GRID1: variants seen among roughly 807,000 people sequenced by gnomAD.
GRID1 encodes glutamate receptor ionotropic, delta-1.
A neutral mutation model predicts 98.0 loss-of-function variants in GRID1; 28 were observed. The ratio of observed to expected loss-of-function variants is 0.29; its 90% CI spans 0.21 to 0.39. The LOEUF is 0.39. Ranked by LOEUF, GRID1 falls within the 10% of genes least tolerant of loss-of-function variation. The pLI is 1.00. For missense variants in GRID1, 1,111 were observed against 1,340.5 expected (o/e 0.83, Z 2.67); for synonymous variants, 553 against 538.5 (o/e 1.03, Z -0.37).
intron 4 of GRID1, among the ~76,000 whole-genome samples, chr10:85,945,325 A>G (rs1349713313): frequency 2.0e-5 from 3 of 152,224 alleles, no homozygotes; most frequent in African/African-American, 7.2e-5. Flanking sequence ...AAACAATTTA[A>G]GTCCAGCAAT....
chr10:85,805,026 A>G (rs1011267979), intron 8 of GRID1, among the ~76,000 whole-genome samples: 1 of 151,680 alleles, frequency 6.6e-6, no homozygotes, highest in African/African-American at 2.4e-5. Flanking sequence ...GGAAGGAAGA[A>G]GTTGACTGCC....
chr10:85,781,210 C>G (rs1842378017), intron 8 of GRID1, among the ~76,000 whole-genome samples: 1 of 152,178 alleles, frequency 6.6e-6, no homozygotes, highest in Non-Finnish European at 1.5e-5. Flanking sequence ...AGTAGCAGAA[C>G]CCAATTTTAA....
intron 4 of GRID1, among the ~76,000 whole-genome samples, chr10:85,954,606 T>C (rs1360016801): frequency 6.6e-6 from 1 of 152,214 alleles, no homozygotes; most frequent in Non-Finnish European, 1.5e-5. Context: ...GCCACTAAAT[T>C]TGACAACATT....
At chr10:86,149,836 CTG>C (rs2131979398) in intron 3 of GRID1, among the ~76,000 whole-genome samples, 1 of 152,294 alleles carries the variant, frequency 6.6e-6, no homozygotes, top group African/African-American at 2.4e-5. Context: ...TTATCTGCTA[CTG>C]TCTTTCATGT....
intron 4 of GRID1, among the ~76,000 whole-genome samples, chr10:86,118,298 A>G (rs1435234403): frequency 6.6e-6 from 1 of 152,192 alleles, no homozygotes; most frequent in African/African-American, 2.4e-5. Context: ...ATGCAAAGCC[A>G]TAAGAATCAT....
At chr10:85,931,037 G>A (rs1443807204) in intron 4 of GRID1, among the ~76,000 whole-genome samples, 4 of 151,982 alleles carry the variant, frequency 2.6e-5, no homozygotes, top group Admixed American at 1.3e-4. Context: ...ACTGGGTTTT[G>A]CCATGTTGCC....
intron 14 of GRID1, among the ~76,000 whole-genome samples, chr10:85,619,181 G>T (rs1197470986): frequency 6.6e-6 from 1 of 152,176 alleles, no homozygotes; most frequent in African/African-American, 2.4e-5. Flanking sequence ...GCCCCTGTTT[G>T]CAGGCTGACT....
chr10:86,048,292 G>C (rs538114419), intron 4 of GRID1, among the ~76,000 whole-genome samples: 16 of 152,132 alleles, frequency 1.1e-4, no homozygotes, highest in African/African-American at 3.9e-4. Context: ...AGGATCACTT[G>C]AGTGCCCATC....
intron 4 of GRID1, among the ~76,000 whole-genome samples, chr10:86,023,955 T>G (rs760684415): frequency 2.0e-5 from 3 of 152,230 alleles, no homozygotes; most frequent in Non-Finnish European, 4.4e-5. Flanking sequence ...CATGTCTGTA[T>G]GCCTAGGCCA....
chr10:86,088,944 G>A (rs916081529), intron 4 of GRID1, among the ~76,000 whole-genome samples: 1 of 151,444 alleles, frequency 6.6e-6, no homozygotes, highest in Non-Finnish European at 1.5e-5. Context: ...TCTAGCCAAA[G>A]GTCCAGGAAA....
At chr10:85,891,671 T>C (rs1028248402) in intron 5 of GRID1, among the ~76,000 whole-genome samples, 12 of 152,050 alleles carry the variant, frequency 7.9e-5, no homozygotes, top group African/African-American at 2.9e-4. Flanking sequence ...AGCAACAGAC[T>C]AAAGAGATCT....
chr10:85,665,154 A>T (rs567443013), intron 12 of GRID1, among the ~76,000 whole-genome samples: 1 of 151,960 alleles, frequency 6.6e-6, no homozygotes, highest in East Asian at 1.9e-4. Context: ...ATTTAAGTAG[A>T]CTCCTTCTCT....
chr10:85,697,077 C>T (rs1841402483), intron 12 of GRID1, among the ~76,000 whole-genome samples: 2 of 152,006 alleles, frequency 1.3e-5, no homozygotes, highest in African/African-American at 4.8e-5. Context: ...TTCATGCACA[C>T]TAAAAAACTG....
intron 2 of GRID1, among the ~76,000 whole-genome samples, chr10:86,236,687 G>A (rs926488994): frequency 6.6e-6 from 1 of 152,234 alleles, no homozygotes; most frequent in African/African-American, 2.4e-5. Context: ...CATTACGGGA[G>A]CACTGAGAAT....
rs1848527850 is a variant in GRID1 at position 86,355,895 on chromosome 10, G to C, written c.235+8046C>G. 2.6e-5 allele frequency among the ~76,000 whole-genome samples: 4 copies of C among 152,244 alleles called. No homozygotes were observed. In the South Asian group the frequency reaches 8.3e-4, roughly 32 times the overall value. ...GCTGCCACTTCGTGGGGCAGCAGGGGCAAGACGTGGGAGTCTATATGAGGG... is the reference window on the plus strand; with the variant it reads ...GCTGCCACTTCGTGGGGCAGCAGGGCCAAGACGTGGGAGTCTATATGAGGG... On this transcript the variant is annotated intron_variant, in intron 2 of 15. Transcript: ENST00000327946.
intron 14 of GRID1, among the ~76,000 whole-genome samples, chr10:85,614,195 AC>A (rs1350435713): frequency 6.6e-6 from 1 of 152,174 alleles, no homozygotes; most frequent in Non-Finnish European, 1.5e-5. Context: ...ACAATCACTG[AC>A]CCTAAAAAAA....
At chr10:85,776,922 C>T (rs746313571) in intron 8 of GRID1, among the ~76,000 whole-genome samples, 2 of 152,180 alleles carry the variant, frequency 1.3e-5, no homozygotes, top group Non-Finnish European at 2.9e-5. Context: ...AGAAAGCAGA[C>T]CACAGTGAGA....
intron 4 of GRID1, among the ~76,000 whole-genome samples, chr10:85,993,586 T>C (rs1484330891): frequency 6.6e-6 from 1 of 152,070 alleles, no homozygotes; most frequent in Non-Finnish European, 1.5e-5. Flanking sequence ...TCCTACTCTA[T>C]ACACAAGGAA....
intron 8 of GRID1, among the ~76,000 whole-genome samples, chr10:85,805,449 T>TC (rs146078360): frequency 2.8e-4 from 42 of 151,360 alleles, no homozygotes; most frequent in African/African-American, 8.5e-4. Context: ...GATTTAACAA[T>TC]CCCCCCCAAA....
Sources: gnomAD v4.1 joint callset for allele counts (sites outside exome capture counted in the v4.1 genomes callset) on GRCh38, gnomAD v4.1.1 for gene constraint, MANE v1.5 for transcripts, NCBI Gene and HGNC (gene_info 2026-07-23, HGNC 2026-07-21) for gene names.